Variants in ARHGEF18 observed in about 807,000 individuals in gnomAD.
ARHGEF18 encodes the protein Rho/Rac guanine nucleotide exchange factor 18.
A neutral mutation model predicts 155.7 loss-of-function variants in ARHGEF18; 93 were observed. That is an observed-to-expected ratio of 0.60 (90% CI 0.50 to 0.71). ARHGEF18 has a LOEUF of 0.71. ARHGEF18 is among the 30% of genes least tolerant of loss of function. The pLI is 0.00. For synonymous variants in ARHGEF18, 742 were observed against 753.1 expected (o/e 0.99, Z 0.24); for missense variants, 1,593 against 1,816.1 (o/e 0.88, Z 2.23).
intron 10 of ARHGEF18, among the ~76,000 whole-genome samples, chr19:7,392,110 G>A (rs988772933): frequency 6.6e-6 from 1 of 151,494 alleles, no homozygotes; most frequent in South Asian, 2.1e-4. Flanking sequence ...ATGTAGTGGC[G>A]GGTGCCTGCA....
Position 7,376,747 on chromosome 19 carries a change from A to T in ARHGEF18, c.531A>T (p.Pro177=), listed in dbSNP as rs1482984259. The change falls in exon 5 of 29, where the codon CCA becomes CCT. Residue 177 remains proline (P), a synonymous_variant. Transcript: ENST00000668164. ...EISPGLEVPT[P]PVQGLEPPVL... ...CTCCGGGTTTGGAAGTGCCCACTCC[A>T]CCTGTTCAAGGTAGCCAGCCTGGGA... 8.1e-7 allele frequency: 1 copy of T among 1,234,284 alleles called. No homozygotes were observed. Among genetic ancestry groups the T allele is most frequent in the African/African-American group, 1.6e-5 (1 of 64,500 alleles). The allele number at this position is 1,234,284 out of a possible 1,614,324, so 76.5% of individuals were successfully genotyped here. A position where few individuals can be genotyped will look rare whatever the true frequency, so the allele number is the denominator to read the frequency against.
At chr19:7,449,343 G>T (rs1001893001) in intron 15 of ARHGEF18, among the ~76,000 whole-genome samples, 3 of 152,084 alleles carry the variant, frequency 2.0e-5, no homozygotes, top group Middle Eastern at 3.2e-3. Flanking sequence ...GGAGGCCAAG[G>T]CAGGCGGATC....
chr19:7,463,825 C>T lies in ARHGEF18; in HGVS notation c.2643C>T (p.Gly881=). 6.2e-7 allele frequency: 1 copy of T among 1,606,896 alleles called. No individual in the cohort carries two copies. Among genetic ancestry groups the T allele is most frequent in the Non-Finnish European group, 8.5e-7 (1 of 1,177,264 alleles). Residue 881 remains glycine (G), a synonymous_variant, in exon 22 of 29, where the codon GGC becomes GGT. Transcript: ENST00000668164. The surrounding 1 kb of genome is among the most constrained non-coding windows in gnomAD (Gnocchi z 5.2). ...ILKSAMSEIE[G]IQSLICRQLG... ...GTCCCCTTCCTTCCACAGTCGAGGGCATCCAGAGCCTGATCTGCAGGCAGC... is the reference window on the plus strand; with the variant it reads ...GTCCCCTTCCTTCCACAGTCGAGGGTATCCAGAGCCTGATCTGCAGGCAGC...
chr19:7,447,830 A>C (rs36104704), intron 15 of ARHGEF18, among the ~76,000 whole-genome samples: 33,008 of 151,412 alleles, frequency 0.22, 3,743 homozygotes, highest in Admixed American at 0.24. Flanking sequence ...CCTGTCTCTA[A>C]GAAAAATTTA....
rs757476978 is a variant in ARHGEF18, at chr19:7,383,070, C to G, written c.834C>G (p.Ser278Arg). 1.3e-5 allele frequency: 16 copies of G among 1,232,312 alleles called. No homozygotes were observed. Among genetic ancestry groups the G allele is most frequent in the Middle Eastern group, 3.1e-4 (1 of 3,236 alleles). The allele number at this position is 1,232,312 out of a possible 1,614,324, so 76.3% of individuals were successfully genotyped here. A position where few individuals can be genotyped will look rare whatever the true frequency, so the allele number is the denominator to read the frequency against. ...RVTRQKEKGK[S>R]PAHLKDKGQD... ...ACCTCTGTCCCATCCAGGGGAAGAG[C>G]CCAGCACATCTGAAGGACAAGGGCC... Residue 278 changes from serine to arginine, a missense_variant, in exon 10 of 29, where the codon AGC becomes AGG. Transcript: ENST00000668164.
At chr19:7,416,530 C>CGT (rs71179108) in intron 10 of ARHGEF18, among the ~76,000 whole-genome samples, 19,287 of 105,698 alleles carry the variant, frequency 0.18, 2,028 homozygotes, top group Non-Finnish European at 0.24. Flanking sequence ...GGAGAAAATT[C>CGT]GTGTGTGTGT....
chr19:7,400,922 A>G (rs1971994380), intron 10 of ARHGEF18, among the ~76,000 whole-genome samples: 1 of 152,174 alleles, frequency 6.6e-6, no homozygotes, highest in Non-Finnish European at 1.5e-5. Flanking sequence ...GGGGAGGACC[A>G]TGTCAGATTA....
In ARHGEF18 at chr19:7,462,465, G is replaced by T. The variant is rs563168257; in HGVS notation, c.2635+131G>T. On this transcript the variant is annotated intron_variant, in intron 21 of 28. Transcript: ENST00000668164. This position sits in a 1 kb window ranked among gnomAD's most constrained non-coding sequence, Gnocchi z 4.4. ...CCAGGACAGGCTTCTATGTGGGGGG[G>T]GCCCAGGAGCAGCACTGACCGCCCC... The T allele has an allele frequency of 1.6e-5, 18 of 1,146,232 alleles. No individual in the cohort carries two copies. The highest frequency in any genetic ancestry group is 1.8e-5 in the Non-Finnish European group (15 of 838,324). 71.0% of individuals were successfully genotyped at this position (1,146,232 alleles called of 1,614,324 possible).
chr19:7,381,546 C>T (rs1025734568), intron 8 of ARHGEF18, among the ~76,000 whole-genome samples: 22 of 151,942 alleles, frequency 1.4e-4, no homozygotes, highest in African/African-American at 4.8e-4. Flanking sequence ...GATGTGGTGG[C>T]GGGTGCCTGT....
At chr19:7,447,402 T>C (rs1186619070) in intron 15 of ARHGEF18, among the ~76,000 whole-genome samples, 1 of 151,742 alleles carries the variant, frequency 6.6e-6, no homozygotes, top group Non-Finnish European at 1.5e-5. Flanking sequence ...GGCAGAGGAA[T>C]TGCTTGAACC....
intron 18 of ARHGEF18, among the ~76,000 whole-genome samples, chr19:7,458,302 A>G (rs1255321754): frequency 2.0e-5 from 3 of 151,058 alleles, no homozygotes; most frequent in African/African-American, 7.3e-5. Flanking sequence ...TAGTTTAAAA[A>G]AAAAAAAAAA....
At chr19:7,415,201 CT>C (rs1324552200) in intron 10 of ARHGEF18, among the ~76,000 whole-genome samples, 3 of 152,086 alleles carry the variant, frequency 2.0e-5, no homozygotes, top group Non-Finnish European at 4.4e-5. Flanking sequence ...ATTAAACCAC[CT>C]CCCTAACCCT....
chr19:7,349,641 G>A (rs1453958807), intron 1 of ARHGEF18, among the ~76,000 whole-genome samples: 5 of 152,112 alleles, frequency 3.3e-5, no homozygotes, highest in African/African-American at 4.8e-5. Context: ...AGCCAGGCGT[G>A]GTGGCGGGCA....
chr19:7,359,210 G>C (rs1393239864), intron 1 of ARHGEF18, among the ~76,000 whole-genome samples: 1 of 152,128 alleles, frequency 6.6e-6, no homozygotes, highest in African/African-American at 2.4e-5. Flanking sequence ...GGGATCAGTA[G>C]AAGGGGAGTG....
chr19:7,411,624 A>T (rs574157618), intron 10 of ARHGEF18, among the ~76,000 whole-genome samples: 10 of 152,050 alleles, frequency 6.6e-5, no homozygotes, highest in Non-Finnish European at 1.3e-4. Context: ...ATCTTTTTTT[A>T]AAAAAATCAT....
chr19:7,378,577 C>A, intron 6 of ARHGEF18, 126 bp downstream of exon 6: 1 of 673,258 alleles, frequency 1.5e-6, no homozygotes, highest in Non-Finnish European at 2.1e-6. Flanking sequence ...GACACCATCC[C>A]ACTAGTCCCC....
At chr19:7,393,268 A>C (rs1292281579) in intron 10 of ARHGEF18, among the ~76,000 whole-genome samples, 2 of 152,082 alleles carry the variant, frequency 1.3e-5, no homozygotes, top group African/African-American at 4.8e-5. Flanking sequence ...TGAAGGTTGG[A>C]CTTGAACTGA....
rs530071925 is a variant in ARHGEF18 at position 7,445,396 on chromosome 19, T to C, written c.1611+942T>C. ...TTGAGAGGTCAAGGCTGCAATGAGC[T>C]ATGATCATGCCACTGCCCTCCAGCC... is the stretch of plus-strand genomic sequence containing the variant. On this transcript the variant is annotated intron_variant, in intron 14 of 28. Transcript: ENST00000668164. Among the ~76,000 whole-genome samples the C allele has an allele frequency of 6.6e-5, 10 of 152,228 alleles. No individual in the cohort carries two copies. In the East Asian group the frequency reaches 1.9e-3, roughly 29 times the overall value.
At chr19:7,454,902 G>C (rs550959156) in intron 17 of ARHGEF18, among the ~76,000 whole-genome samples, 1 of 152,220 alleles carries the variant, frequency 6.6e-6, no homozygotes, top group African/African-American at 2.4e-5. Flanking sequence ...CATGTGGATA[G>C]AGAATACCCC....
Sources: allele counts gnomAD v4.1 joint callset (sites outside exome capture counted in the v4.1 genomes callset), GRCh38; gene constraint gnomAD v4.1.1; non-coding constraint Gnocchi (gnomAD v3.1); transcripts MANE v1.5; gene names NCBI Gene and HGNC (gene_info 2026-07-23, HGNC 2026-07-21).